Variants in IRAK3 observed in about 807,000 individuals in gnomAD.
IRAK3 encodes interleukin 1 receptor associated kinase 3.
In IRAK3, 57 loss-of-function variants were observed where a neutral mutation model predicts 56.6. The ratio of observed to expected loss-of-function variants is 1.01; its 90% CI spans 0.81 to 1.26. IRAK3 has a LOEUF of 1.26. IRAK3 is among the 50% of genes most tolerant of loss of function. The pLI is 0.00. For missense variants in IRAK3, 703 were observed against 719.0 expected, an observed-to-expected ratio of 0.98 and a Z score of 0.25; for synonymous variants, 258 against 255.7, an observed-to-expected ratio of 1.01 and a Z score of -0.09.
chr12:66,228,808 T>C (rs1183953448), intron 8 of IRAK3, among the ~76,000 whole-genome samples: 5 of 152,082 alleles, frequency 3.3e-5, no homozygotes, highest in Non-Finnish European at 7.3e-5. Flanking sequence ...GTCAACACTT[T>C]ATTATAAAAT....
At chr12:66,239,345 G>A (rs1002796966) in intron 8 of IRAK3, among the ~76,000 whole-genome samples, 24 of 151,012 alleles carry the variant, frequency 1.6e-4, no homozygotes, top group African/African-American at 5.6e-4. Context: ...TAAGGTCAGA[G>A]TGAGTGAGTG....
intron 2 of IRAK3, among the ~76,000 whole-genome samples, chr12:66,205,351 A>T (rs2052548883): frequency 6.6e-6 from 1 of 152,200 alleles, no homozygotes; most frequent in African/African-American, 2.4e-5. Context: ...GCCGATTGGT[A>T]AAAAGACTTT....
chr12:66,202,776 A>T (rs1212392980), intron 1 of IRAK3, among the ~76,000 whole-genome samples: 2 of 151,812 alleles, frequency 1.3e-5, no homozygotes, highest in African/African-American at 2.4e-5. Flanking sequence ...CTGTGCTCCA[A>T]CCTGGGTGAC....
chr12:66,212,880 G>A (rs2052626415), intron 5 of IRAK3, among the ~76,000 whole-genome samples: 1 of 151,994 alleles, frequency 6.6e-6, no homozygotes, highest in African/African-American at 2.4e-5. Context: ...AGGGCCTGTT[G>A]GGGGGTTGGG....
At chr12:66,242,985 G>C (rs2052986770) in intron 8 of IRAK3, among the ~76,000 whole-genome samples, 1 of 151,942 alleles carries the variant, frequency 6.6e-6, no homozygotes, top group African/African-American at 2.4e-5. Flanking sequence ...AGACTCACTT[G>C]AACCCGGGAG....
At chr12:66,225,606 G>A (rs1172838071) in intron 6 of IRAK3, among the ~76,000 whole-genome samples, 1 of 152,060 alleles carries the variant, frequency 6.6e-6, no homozygotes, top group Non-Finnish European at 1.5e-5. Flanking sequence ...TGTCCCATAA[G>A]TAATTTTTGA....
chr12:66,189,359 GCCGC>G lies in IRAK3; in HGVS notation c.65_68del (p.Pro22ArgfsTer40). ...CGGCGCACACGCTGCTGTTCGACCTGCCGCCCGCGCTGCTCGGAGAGCTCTGCGC... is the reference window on the plus strand; with the variant it reads ...CGGCGCACACGCTGCTGTTCGACCTGCCGCGCTGCTCGGAGAGCTCTGCGC... On this transcript the variant is annotated frameshift_variant, in exon 1 of 12. Coordinates refer to ENST00000261233, the MANE Select transcript of IRAK3 (RefSeq NM_007199.3). LOFTEE classifies it high-confidence loss of function. 8 of 1,530,922 alleles carry G rather than the reference GCCGC, an allele frequency of 5.2e-6. No individual in the cohort carries two copies. The highest frequency in any genetic ancestry group is 7.0e-6 in the Non-Finnish European group (8 of 1,144,932). The allele number at this position is 1,530,922 out of a possible 1,614,324, so 94.8% of individuals were successfully genotyped here.
Position 66,215,785 on chromosome 12 carries a change from T to TGCACGTGCACGTGCGCGCGC in IRAK3, c.589-1382_589-1381insGTGCACGTGCGCGCGCGCAC, listed in dbSNP as rs150339586. Among the ~76,000 whole-genome samples, 279 of 31,192 alleles carry TGCACGTGCACGTGCGCGCGC rather than the reference T, an allele frequency of 8.9e-3. 1 individual carries two copies. Among genetic ancestry groups the TGCACGTGCACGTGCGCGCGC allele is most frequent in the Non-Finnish European group, 0.015 (225 of 15,426 alleles). The allele number at this position is 31,192 out of a possible 152,430, so 20.5% of individuals were successfully genotyped here. A position where few individuals can be genotyped will look rare whatever the true frequency, so the allele number is the denominator to read the frequency against. ...CTCCGCCCCCTATTTTAACCCAACATGCACACACACACACACACACACACA... is the reference window on the plus strand; with the variant it reads ...CTCCGCCCCCTATTTTAACCCAACATGCACGTGCACGTGCGCGCGCGCACACACACACACACACACACACA... On this transcript the variant is annotated intron_variant, in intron 5 of 11. Coordinates refer to ENST00000261233, the MANE Select transcript of IRAK3 (RefSeq NM_007199.3).
At chr12:66,211,992 T>G (rs1012711074) in intron 5 of IRAK3, among the ~76,000 whole-genome samples, 5 of 151,806 alleles carry the variant, frequency 3.3e-5, no homozygotes, top group African/African-American at 1.2e-4. Flanking sequence ...GCTCCTGTAG[T>G]CCCAGCTACT....
intron 1 of IRAK3, among the ~76,000 whole-genome samples, chr12:66,201,002 A>G (rs2052502315): frequency 6.6e-6 from 1 of 152,156 alleles, no homozygotes; most frequent in Admixed American, 6.5e-5. Context: ...TATTTAGTCA[A>G]GATGGGGTTT....
chr12:66,213,653 A>G (rs1487545227), intron 5 of IRAK3, among the ~76,000 whole-genome samples: 1 of 152,146 alleles, frequency 6.6e-6, no homozygotes, highest in Non-Finnish European at 1.5e-5. Flanking sequence ...ATTGATTTTA[A>G]CAAATGTACC....
chr12:66,253,441 A>G lies in IRAK3; in HGVS notation c.*5270A>G, dbSNP rs968213302. ...GTTTTGTATCTGTCTTCCCGTTCCA[A>G]ATCATTTATATATACTTGATGGTCT... On this transcript the variant is annotated 3_prime_UTR_variant, in exon 12 of 12. Transcript: ENST00000261233. 6.6e-6 allele frequency: 1 copy of G among 152,130 alleles called. No homozygotes were observed. The highest frequency in any genetic ancestry group is 2.4e-5 in the African/African-American group (1 of 41,430). The allele number at this position is 152,130 out of a possible 1,614,324, so 9.4% of individuals were successfully genotyped here.
intron 5 of IRAK3, among the ~76,000 whole-genome samples, chr12:66,216,155 A>C (rs943392430): frequency 6.6e-6 from 1 of 152,106 alleles, no homozygotes; most frequent in African/African-American, 2.4e-5. Flanking sequence ...AAACAAAAAA[A>C]CCGACTCCTT....
intron 1 of IRAK3, chr12:66,197,019 G>T: frequency 6.5e-7 from 1 of 1,530,552 alleles, no homozygotes; most frequent in Non-Finnish European, 8.7e-7. Flanking sequence ...ATTTGCATAT[G>T]GAGACGTGAT....
At chr12:66,210,232 T>G (rs1343237738) in intron 4 of IRAK3, 31 bp downstream of exon 4, 1 of 1,339,510 alleles carries the variant, frequency 7.5e-7, no homozygotes, top group East Asian at 2.3e-5. Flanking sequence ...TTCCAACAAT[T>G]TTTTTAAAAT....
chr12:66,228,391 T>C, intron 8 of IRAK3, 21 bp downstream of exon 8: 1 of 1,518,212 alleles, frequency 6.6e-7, no homozygotes. Flanking sequence ...CCAGAGCTTT[T>C]GGTTATACCT....
chr12:66,231,360 A>T (rs1258004320), intron 8 of IRAK3, among the ~76,000 whole-genome samples: 1 of 152,234 alleles, frequency 6.6e-6, no homozygotes, highest in Non-Finnish European at 1.5e-5. Context: ...TTTAAAAAAA[A>T]AAAGTGTTTA....
chr12:66,247,413 G>T (rs2053045585), intron 11 of IRAK3, among the ~76,000 whole-genome samples: 1 of 152,194 alleles, frequency 6.6e-6, no homozygotes. Context: ...GTAGAGACTT[G>T]CCCAAGTTCA....
chr12:66,225,655 T>C (rs983280151), intron 6 of IRAK3, among the ~76,000 whole-genome samples: 3 of 152,192 alleles, frequency 2.0e-5, no homozygotes, highest in African/African-American at 7.2e-5. Flanking sequence ...TTTCACATTT[T>C]ATATTTCATA....
Sources: allele counts gnomAD v4.1 joint callset (sites outside exome capture counted in the v4.1 genomes callset), GRCh38; gene constraint gnomAD v4.1.1; transcripts MANE v1.5; gene names NCBI Gene and HGNC (gene_info 2026-07-23, HGNC 2026-07-21).